Variants in SFSWAP observed in about 807,000 individuals in gnomAD.
SFSWAP encodes the protein splicing factor, suppressor of white-apricot homolog.
Under a neutral mutation model 100.7 loss-of-function variants are expected in SFSWAP, and 17 were observed. The observed-to-expected ratio is 0.17, with a 90% confidence interval of 0.12 to 0.25. The LOEUF (loss-of-function observed/expected upper bound fraction) is 0.25. Ranked by LOEUF, SFSWAP falls within the 10% of genes least tolerant of loss-of-function variation. The probability of loss-of-function intolerance (pLI) is 1.00; values close to 1 mark genes in which losing one functional copy is unlikely to be tolerated. For missense variants in SFSWAP, 1,005 were observed against 1,262.6 expected (o/e 0.80, Z 3.09); for synonymous variants, 504 against 510.1 (o/e 0.99, Z 0.16).
intron 11 of SFSWAP, among the ~76,000 whole-genome samples, chr12:131,758,752 G>A (rs1048833135): frequency 3.9e-5 from 6 of 152,310 alleles, no homozygotes; most frequent in African/African-American, 1.4e-4. Flanking sequence ...TTCGAGACCA[G>A]CCTGGGCAAA....
At chr12:131,791,736 C>T (rs561336941) in intron 15 of SFSWAP, among the ~76,000 whole-genome samples, 5 of 152,172 alleles carry the variant, frequency 3.3e-5, no homozygotes, top group South Asian at 2.1e-4. Context: ...TGCAAGACTC[C>T]GTCTCAAAAA....
rs375833787 is a variant in SFSWAP at position 131,787,367 on chromosome 12, C to T, written c.2534+779C>T. Among the ~76,000 whole-genome samples, 3 of 152,230 alleles carry T rather than the reference C, an allele frequency of 2.0e-5. No individual in the cohort carries two copies. In the East Asian group the frequency reaches 5.8e-4, roughly 29 times the overall value. On this transcript the variant is annotated intron_variant, in intron 15 of 17. Coordinates refer to ENST00000261674, the MANE Select transcript of SFSWAP (RefSeq NM_004592.4). ...CCGCCAGTGAGCACTACCCTCTCGGCCGTGGGGGTGCCATCTCACGAGCGC... is the reference window on the plus strand; with the variant it reads ...CCGCCAGTGAGCACTACCCTCTCGGTCGTGGGGGTGCCATCTCACGAGCGC...
In SFSWAP at chr12:131,730,205, C is replaced by T. The variant is rs758322334; in HGVS notation, c.1081+1777C>T. ...ACACCTTTAAGTCTTGAGCCCCACT[C>T]GGCAGCCTGTGAAGCTCCCGCCCTG... On this transcript the variant is annotated intron_variant, in intron 7 of 17. Transcript: ENST00000261674. This position sits in a 1 kb window ranked among gnomAD's most constrained non-coding sequence, Gnocchi z 4.0. 3.3e-5 allele frequency among the ~76,000 whole-genome samples: 5 copies of T among 152,214 alleles called. No homozygotes were observed. Among genetic ancestry groups the T allele is most frequent in the Non-Finnish European group, 5.9e-5 (4 of 68,046 alleles).
At chr12:131,766,772 A>T (rs1883154886) in intron 13 of SFSWAP, among the ~76,000 whole-genome samples, 1 of 152,278 alleles carries the variant, frequency 6.6e-6, no homozygotes, top group Non-Finnish European at 1.5e-5. Context: ...TTAAGAGAAC[A>T]GACTCCAGGA....
intron 5 of SFSWAP, among the ~76,000 whole-genome samples, chr12:131,726,186 A>ACG (rs1489044477): frequency 1.3e-5 from 2 of 149,674 alleles, no homozygotes; most frequent in Non-Finnish European, 3.0e-5. Context: ...ACACACACAC[A>ACG]CACATCTTCC....
chr12:131,746,834 C>G lies in SFSWAP; in HGVS notation c.1082-6289C>G, dbSNP rs941102067. 7.2e-5 allele frequency among the ~76,000 whole-genome samples: 11 copies of G among 152,294 alleles called. No homozygotes were observed. In the South Asian group the frequency reaches 2.1e-3, roughly 29 times the overall value. ...GAGAAGCTCATGCTGGCCGGGCATGCTGGCTCACGCCTATAATCCCAGCAC... is the reference window on the plus strand; with the variant it reads ...GAGAAGCTCATGCTGGCCGGGCATGGTGGCTCACGCCTATAATCCCAGCAC... On this transcript the variant is annotated intron_variant, in intron 7 of 17. Coordinates refer to ENST00000261674, the MANE Select transcript of SFSWAP (RefSeq NM_004592.4).
At chr12:131,791,624 C>T (rs926340998) in intron 15 of SFSWAP, among the ~76,000 whole-genome samples, 11 of 148,018 alleles carry the variant, frequency 7.4e-5, no homozygotes, top group African/African-American at 2.0e-4. Flanking sequence ...TGGTAGTGTG[C>T]GTCTGTAATC....
At position 131,725,338 on chromosome 12, in the gene SFSWAP, A is replaced by T; in HGVS notation, c.607-67A>T. 1 of 1,306,294 alleles carries T rather than the reference A, an allele frequency of 7.7e-7. No individual in the cohort carries two copies. Among genetic ancestry groups the T allele is most frequent in the Non-Finnish European group, 1.1e-6 (1 of 901,430 alleles). The allele number at this position is 1,306,294 out of a possible 1,614,324, so 80.9% of individuals were successfully genotyped here. A position where few individuals can be genotyped will look rare whatever the true frequency, so the allele number is the denominator to read the frequency against. ...AAAACCAGAGTCATTTCTATGTTTT[A>T]ATGAAATCACGTGGCCGGTGGACAA... On this transcript the variant is annotated intron_variant, in intron 4 of 17. Transcript: ENST00000261674. This position sits in a 1 kb window ranked among gnomAD's most constrained non-coding sequence, Gnocchi z 4.3.
chr12:131,745,511 T>C (rs1881022270), intron 7 of SFSWAP, among the ~76,000 whole-genome samples: 1 of 152,232 alleles, frequency 6.6e-6, no homozygotes, highest in African/African-American at 2.4e-5. Flanking sequence ...TTCCTCATTC[T>C]TGAGAATGCA....
intron 15 of SFSWAP, among the ~76,000 whole-genome samples, chr12:131,793,436 A>G (rs867160821): frequency 1.1e-4 from 17 of 152,282 alleles, no homozygotes; most frequent in Non-Finnish European, 2.1e-4. Flanking sequence ...CGGAATGGGG[A>G]AAAAGTGCAC....
At chr12:131,766,827 A>G (rs1883158281) in intron 13 of SFSWAP, among the ~76,000 whole-genome samples, 1 of 152,262 alleles carries the variant, frequency 6.6e-6, no homozygotes, top group Non-Finnish European at 1.5e-5. Flanking sequence ...ATAGGGCCTT[A>G]CATGGGGGTC....
chr12:131,728,223 CTT>C, intron 6 of SFSWAP, 68 bp from the exon 7 acceptor site: 2 of 1,572,022 alleles, frequency 1.3e-6, no homozygotes, highest in Non-Finnish European at 1.7e-6. Context: ...AAAGGTGAGC[CTT>C]TTGCAGCAGA....
At chr12:131,773,461 T>C (rs1164525129) in intron 13 of SFSWAP, among the ~76,000 whole-genome samples, 3 of 152,146 alleles carry the variant, frequency 2.0e-5, no homozygotes, top group Non-Finnish European at 4.4e-5. Context: ...TACCTCAGCC[T>C]CCAAAGTAGC....
At chr12:131,785,927 T>A in intron 14 of SFSWAP, 1 of 153,182 alleles carries the variant, frequency 6.5e-6, no homozygotes, top group Admixed American at 6.5e-5. Flanking sequence ...CAGGTAGGCC[T>A]CTAGCTTCAT....
rs763274532 is a variant in SFSWAP at position 131,753,197 on chromosome 12, G to A, written c.1156G>A (p.Gly386Arg). 30 of 1,614,114 alleles carry A rather than the reference G, an allele frequency of 1.9e-5. No homozygotes were observed. Among genetic ancestry groups the A allele is most frequent in the Middle Eastern group, 1.6e-4 (1 of 6,062 alleles). Residue 386 changes from glycine (G) to arginine (R), a missense_variant, in exon 8 of 18, where the codon GGA becomes AGA. Physicochemically the swap from Gly to Arg is moderately radical, Grantham distance 125. Around this residue, in one of 7 missense-constraint regions of SFSWAP, gnomAD observed 311 missense variants for 317.8 expected, o/e 0.98. Transcript: ENST00000261674. ...TTACTGCCTGGCGCCGCCCCCTCCCGGAATCGACGTGACTACTTACTACAG... is the reference window on the plus strand; with the variant it reads ...TTACTGCCTGGCGCCGCCCCCTCCCAGAATCGACGTGACTACTTACTACAG... ...GTYCLAPPPP[G>R]IDVTTYYSTL...
At chr12:131,747,465 G>A (rs1881238565) in intron 7 of SFSWAP, among the ~76,000 whole-genome samples, 1 of 152,238 alleles carries the variant, frequency 6.6e-6, no homozygotes, top group African/African-American at 2.4e-5. Context: ...GGTAGGAGAA[G>A]CAGGCAGGTG....
intron 15 of SFSWAP, among the ~76,000 whole-genome samples, chr12:131,791,122 G>A (rs1261590980): frequency 6.6e-6 from 1 of 152,218 alleles, no homozygotes; most frequent in Non-Finnish European, 1.5e-5. Context: ...GCCTGGCGCG[G>A]TGGCTCATAC....
At chr12:131,754,590 T>G in intron 9 of SFSWAP, 91 bp downstream of exon 9, 2 of 955,248 alleles carry the variant, frequency 2.1e-6, no homozygotes, top group Non-Finnish European at 1.4e-6. Flanking sequence ...GAATTAATTT[T>G]TTTATATATT....
intron 15 of SFSWAP, among the ~76,000 whole-genome samples, chr12:131,793,854 AC>A (rs1185457489): frequency 1.3e-5 from 2 of 152,228 alleles, no homozygotes; most frequent in East Asian, 3.9e-4. Context: ...TGCTGATGCA[AC>A]CAACGAGACA....
Sources: gnomAD v4.1 joint callset for allele counts (sites outside exome capture counted in the v4.1 genomes callset) on GRCh38, gnomAD v4.1.1 for gene constraint, gnomAD v4.1.1 regional missense constraint, Gnocchi (gnomAD v3.1) non-coding constraint, MANE v1.5 for transcripts, NCBI Gene and HGNC (gene_info 2026-07-23, HGNC 2026-07-21) for gene names.